The following XPR1 variants were observed in gnomAD, a reference collection of about 807,000 sequenced individuals.
XPR1 encodes the protein solute carrier family 53 member 1.
A neutral mutation model predicts 87.5 loss-of-function variants in XPR1; 28 were observed. The ratio of observed to expected loss-of-function variants is 0.32; its 90% CI spans 0.24 to 0.44. XPR1 has a LOEUF of 0.44. Ranked by LOEUF, XPR1 falls within the 20% of genes least tolerant of loss-of-function variation. The pLI is 1.00. For missense variants in XPR1, 559 were observed against 862.3 expected, an observed-to-expected ratio of 0.65 and a Z score of 4.41; for synonymous variants, 300 against 306.1, an observed-to-expected ratio of 0.98 and a Z score of 0.21.
At chr1:180,773,383 G>A (rs1648594569) in intron 2 of XPR1, among the ~76,000 whole-genome samples, 1 of 152,184 alleles carries the variant, frequency 6.6e-6, no homozygotes, top group South Asian at 2.1e-4. Flanking sequence ...AAGCTGAAGA[G>A]AAGTAGCACT....
chr1:180,787,509 C>G (rs1453033859), intron 2 of XPR1, among the ~76,000 whole-genome samples: 1 of 152,064 alleles, frequency 6.6e-6, no homozygotes, highest in Non-Finnish European at 1.5e-5. Flanking sequence ...GAACTCCTGA[C>G]TTCAAGTGAT....
chr1:180,659,728 AG>A (rs1430737639), intron 1 of XPR1, among the ~76,000 whole-genome samples: 41 of 151,616 alleles, frequency 2.7e-4, no homozygotes, highest in Admixed American at 2.6e-3. Context: ...CATCTTGGCC[AG>A]GTTGGTCTTG....
intron 2 of XPR1, among the ~76,000 whole-genome samples, chr1:180,756,904 A>G (rs1454606658): frequency 6.6e-6 from 1 of 152,186 alleles, no homozygotes; most frequent in East Asian, 1.9e-4. Flanking sequence ...CATTTGTTGA[A>G]AAGACTAGTC....
intron 1 of XPR1, among the ~76,000 whole-genome samples, chr1:180,669,184 A>G (rs1656069470): frequency 6.6e-6 from 1 of 152,036 alleles, no homozygotes; most frequent in Non-Finnish European, 1.5e-5. Context: ...AAAAGAATGC[A>G]TATGCTGTTG....
At chr1:180,669,834 CTAA>C (rs996918726) in intron 1 of XPR1, among the ~76,000 whole-genome samples, 20 of 152,050 alleles carry the variant, frequency 1.3e-4, no homozygotes, top group African/African-American at 4.8e-4. Flanking sequence ...ACAATAATAA[CTAA>C]TAATAATATA....
At chr1:180,633,993 C>G (rs1166708548) in intron 1 of XPR1, among the ~76,000 whole-genome samples, 3 of 152,162 alleles carry the variant, frequency 2.0e-5, no homozygotes, top group African/African-American at 7.2e-5. Flanking sequence ...TTAACTATTT[C>G]ATGGAATTGT....
chr1:180,695,532 C>T (rs1210153145), intron 2 of XPR1, among the ~76,000 whole-genome samples: 1 of 151,996 alleles, frequency 6.6e-6, no homozygotes, highest in Non-Finnish European at 1.5e-5. Flanking sequence ...AAACATATCC[C>T]TTTGTTTTCT....
chr1:180,760,712 C>T (rs1018880085), intron 2 of XPR1, among the ~76,000 whole-genome samples: 3 of 152,052 alleles, frequency 2.0e-5, no homozygotes, highest in African/African-American at 7.2e-5. Flanking sequence ...TAGATTCAAT[C>T]CCATCACCAT....
intron 2 of XPR1, among the ~76,000 whole-genome samples, chr1:180,689,318 A>G (rs991363939): frequency 6.6e-6 from 1 of 152,182 alleles, no homozygotes; most frequent in African/African-American, 2.4e-5. Flanking sequence ...TTTTCTCTAA[A>G]TGATATATTT....
chr1:180,678,780 T>C (rs937540354), intron 1 of XPR1, among the ~76,000 whole-genome samples: 1 of 152,230 alleles, frequency 6.6e-6, no homozygotes, highest in African/African-American at 2.4e-5. Context: ...CCAAAGCAAA[T>C]AGTAAATTCA....
At chr1:180,856,352 GTGTGAT>G (rs1249100733) in intron 11 of XPR1, among the ~76,000 whole-genome samples, 2 of 151,614 alleles carry the variant, frequency 1.3e-5, no homozygotes, top group Non-Finnish European at 2.9e-5. Context: ...GTCAAACACA[GTGTGAT>G]TCCCCTTATA....
intron 11 of XPR1, among the ~76,000 whole-genome samples, chr1:180,845,308 C>G (rs1487681580): frequency 6.6e-6 from 1 of 152,122 alleles, no homozygotes; most frequent in Non-Finnish European, 1.5e-5. Context: ...AAGTACCTTT[C>G]CACAACTTTT....
At chr1:180,709,888 G>GT (rs34386449) in intron 2 of XPR1, among the ~76,000 whole-genome samples, 220 of 142,368 alleles carry the variant, frequency 1.5e-3, no homozygotes, top group South Asian at 0.014. Flanking sequence ...AGTTTTGAGG[G>GT]TTTTTTTTTT....
intron 2 of XPR1, among the ~76,000 whole-genome samples, chr1:180,683,916 T>TTGA (rs1323793226): frequency 6.6e-6 from 1 of 152,152 alleles, no homozygotes; most frequent in Non-Finnish European, 1.5e-5. Flanking sequence ...GTAGGTTGCC[T>TTGA]GTTCACTCTG....
intron 1 of XPR1, among the ~76,000 whole-genome samples, chr1:180,668,794 T>C (rs1656056128): frequency 6.6e-6 from 1 of 152,110 alleles, no homozygotes; most frequent in Non-Finnish European, 1.5e-5. Context: ...ATTATTTCTT[T>C]TAAAGTCTAT....
At chr1:180,759,686 A>C (rs1647920157) in intron 2 of XPR1, among the ~76,000 whole-genome samples, 1 of 152,252 alleles carries the variant, frequency 6.6e-6, no homozygotes, top group Non-Finnish European at 1.5e-5. Flanking sequence ...TACCAGAGGT[A>C]CAAGGAGGAG....
At chr1:180,674,253 TTGTTTGTTTTTG>T (rs1251808939) in intron 1 of XPR1, among the ~76,000 whole-genome samples, 3 of 152,144 alleles carry the variant, frequency 2.0e-5, no homozygotes, top group Non-Finnish European at 2.9e-5. Context: ...GTTGTTGTTG[TTGTTTGTTTTTG>T]TGTTTGTTTT....
chr1:180,852,632 T>C (rs893024613), intron 11 of XPR1, among the ~76,000 whole-genome samples: 1 of 152,212 alleles, frequency 6.6e-6, no homozygotes, highest in Non-Finnish European at 1.5e-5. Context: ...CACTGCAGCC[T>C]TGACCTCTTG....
chr1:180,858,728 C>T (rs1652119800), intron 11 of XPR1, among the ~76,000 whole-genome samples: 1 of 152,156 alleles, frequency 6.6e-6, no homozygotes, highest in Non-Finnish European at 1.5e-5. Context: ...TATTAACTAT[C>T]TCCCTCAACT....
Sources: allele counts gnomAD v4.1 joint callset (sites outside exome capture counted in the v4.1 genomes callset), GRCh38; gene constraint gnomAD v4.1.1; transcripts MANE v1.5; gene names NCBI Gene and HGNC (gene_info 2026-07-23, HGNC 2026-07-21).